PTPRT: variants seen among roughly 807,000 people sequenced by gnomAD.
PTPRT encodes the protein protein tyrosine phosphatase receptor type T.
A neutral mutation model predicts 176.8 loss-of-function variants in PTPRT; 56 were observed. The observed-to-expected ratio is 0.32, with a 90% CI of 0.26 to 0.40. PTPRT has a LOEUF of 0.40. Ranked by LOEUF, PTPRT falls within the 10% of genes least tolerant of loss-of-function variation. The pLI, the probability that PTPRT is intolerant of heterozygous loss-of-function variation, is 1.00. For missense variants in PTPRT, 1,540 were observed against 1,908.2 expected (o/e 0.81, Z 3.60); for synonymous variants, 783 against 739.0 (o/e 1.06, Z -0.96).
intron 7 of PTPRT, among the ~76,000 whole-genome samples, chr20:42,569,090 A>ATT (rs1271635197): frequency 8.5e-5 from 9 of 106,398 alleles, no homozygotes; most frequent in African/African-American, 3.0e-4. Context: ...AAATATATAT[A>ATT]TATATATATA....
chr20:43,110,552 C>T (rs996841882), intron 1 of PTPRT, among the ~76,000 whole-genome samples: 5 of 152,304 alleles, frequency 3.3e-5, no homozygotes, highest in South Asian at 2.1e-4. Flanking sequence ...TGGGTAAAGA[C>T]GCTATCCTAT....
At chr20:42,600,639 A>G (rs6093694) in intron 7 of PTPRT, among the ~76,000 whole-genome samples, 38,036 of 151,860 alleles carry the variant, frequency 0.25, 5,144 homozygotes, top group Non-Finnish European at 0.3. Flanking sequence ...AGGGTTTCCA[A>G]TGTCTCTTAT....
chr20:42,952,698 G>C (rs1408294067), intron 1 of PTPRT, among the ~76,000 whole-genome samples: 1 of 152,142 alleles, frequency 6.6e-6, no homozygotes, highest in African/African-American at 2.4e-5. Flanking sequence ...GCACTAATAT[G>C]CTCCAGTTAC....
At position 42,282,540 on chromosome 20, in the gene PTPRT, A is replaced by T. The variant is rs769230874; in HGVS notation, c.2140-15T>A. On this transcript the variant is annotated splice_polypyrimidine_tract_variant and intron_variant, in intron 12 of 30. Transcript: ENST00000373187. ...ATTTTGGTCTCCTGTGAACAACAAAAATGAGATGCCAATTAATTAGCTGTG... is the reference window on the plus strand; with the variant it reads ...ATTTTGGTCTCCTGTGAACAACAAATATGAGATGCCAATTAATTAGCTGTG... 4 of 1,601,872 alleles carry T rather than the reference A, an allele frequency of 2.5e-6. No homozygotes were observed. The Admixed American group carries it at 6.8e-5, about 27-fold the overall frequency.
At chr20:42,172,641 G>A (rs1002133294) in intron 16 of PTPRT, among the ~76,000 whole-genome samples, 3 of 152,170 alleles carry the variant, frequency 2.0e-5, no homozygotes, top group Non-Finnish European at 4.4e-5. Flanking sequence ...TAACACTTGT[G>A]TAACTATAGT....
intron 2 of PTPRT, among the ~76,000 whole-genome samples, chr20:42,873,507 G>A (rs1353577190): frequency 4.6e-5 from 7 of 152,112 alleles, no homozygotes; most frequent in Non-Finnish European, 1.5e-5. Flanking sequence ...TTGACCAATA[G>A]AAACACAATG....
intron 17 of PTPRT, among the ~76,000 whole-genome samples, chr20:42,156,223 C>T (rs184758470): frequency 1.8e-4 from 28 of 152,314 alleles, no homozygotes; most frequent in Admixed American, 2.0e-4. Flanking sequence ...ATCCCACCCC[C>T]AAGGATTCTC....
At chr20:42,196,684 A>C (rs1204353177) in intron 16 of PTPRT, among the ~76,000 whole-genome samples, 1 of 152,190 alleles carries the variant, frequency 6.6e-6, no homozygotes, top group Admixed American at 6.5e-5. Context: ...ACCCTGGTCT[A>C]TGTCAACAAC....
At chr20:42,592,912 A>G (rs2073605542) in intron 7 of PTPRT, among the ~76,000 whole-genome samples, 1 of 152,246 alleles carries the variant, frequency 6.6e-6, no homozygotes, top group Non-Finnish European at 1.5e-5. Context: ...TGAAAGTCAC[A>G]TGGGGGAATA....
At chr20:42,101,410 C>A (rs754946940) in intron 26 of PTPRT, among the ~76,000 whole-genome samples, 1 of 152,140 alleles carries the variant, frequency 6.6e-6, no homozygotes, top group Non-Finnish European at 1.5e-5. Flanking sequence ...ACCTGTACAC[C>A]TTGGAGGGGA....
At chr20:43,063,587 C>T (rs1041297188) in intron 1 of PTPRT, 3 of 152,252 alleles carry the variant, frequency 2.0e-5, no homozygotes, top group African/African-American at 7.2e-5. Context: ...TGCTAAATGC[C>T]ATGCTGGTGG....
chr20:42,292,614 T>C (rs1240437767), intron 12 of PTPRT, among the ~76,000 whole-genome samples: 1 of 152,190 alleles, frequency 6.6e-6, no homozygotes, highest in Non-Finnish European at 1.5e-5. Flanking sequence ...AGTGGCCTTC[T>C]TTTCTGAGGT....
chr20:42,247,260 A>AG (rs1328706376), intron 14 of PTPRT, among the ~76,000 whole-genome samples: 1 of 152,200 alleles, frequency 6.6e-6, no homozygotes, highest in Non-Finnish European at 1.5e-5. Flanking sequence ...CCCTGGCCAG[A>AG]GGCTAGTATG....
At chr20:42,819,598 C>A (rs998746048) in intron 2 of PTPRT, among the ~76,000 whole-genome samples, 1 of 152,100 alleles carries the variant, frequency 6.6e-6, no homozygotes, top group Admixed American at 6.5e-5. Flanking sequence ...TTAAAAGACA[C>A]AGACTGGCAA....
chr20:43,156,451 T>C (rs1781277272), intron 1 of PTPRT, among the ~76,000 whole-genome samples: 1 of 152,142 alleles, frequency 6.6e-6, no homozygotes, highest in Admixed American at 6.5e-5. Flanking sequence ...AATGGAGAGA[T>C]GGACAGATGC....
intron 9 of PTPRT, among the ~76,000 whole-genome samples, chr20:42,378,936 A>G (rs1381023932): frequency 6.6e-6 from 1 of 152,226 alleles, no homozygotes; most frequent in Non-Finnish European, 1.5e-5. Flanking sequence ...TGTGAATTCC[A>G]TGTGTAATTT....
intron 20 of PTPRT, among the ~76,000 whole-genome samples, chr20:42,118,952 G>A (rs765306027): frequency 2.2e-5 from 3 of 138,876 alleles, no homozygotes; most frequent in Non-Finnish European, 4.5e-5. Context: ...AACAGGAGAT[G>A]CCTGATTTTG....
intron 21 of PTPRT, among the ~76,000 whole-genome samples, chr20:42,117,675 A>G (rs1381332480): frequency 6.6e-6 from 1 of 152,212 alleles, no homozygotes; most frequent in African/African-American, 2.4e-5. Flanking sequence ...TATTGACAAT[A>G]TCACTATTGG....
At chr20:42,135,474 T>C (rs1049722606) in intron 18 of PTPRT, among the ~76,000 whole-genome samples, 1 of 152,192 alleles carries the variant, frequency 6.6e-6, no homozygotes, top group African/African-American at 2.4e-5. Flanking sequence ...GGCCCATCAA[T>C]ATGCATTTCA....
Sources: allele counts gnomAD v4.1 joint callset (sites outside exome capture counted in the v4.1 genomes callset), GRCh38; gene constraint gnomAD v4.1.1; transcripts MANE v1.5; gene names NCBI Gene and HGNC (gene_info 2026-07-23, HGNC 2026-07-21).